RASAL1: variants seen among roughly 807,000 people sequenced by gnomAD.
RASAL1 encodes RAS protein activator like 1, also known as rasGAP-activating-like protein 1.
Under a neutral mutation model 96.6 loss-of-function variants are expected in RASAL1, and 72 were observed. The observed-to-expected ratio is 0.75, with a 90% CI of 0.62 to 0.91. The LOEUF is 0.91. Ranked by LOEUF, RASAL1 falls within the 40% of genes least tolerant of loss-of-function variation. The pLI is 0.00. For missense variants in RASAL1, 1,016 were observed against 1,072.5 expected (o/e 0.95, Z 0.74); for synonymous variants, 405 against 430.4 (o/e 0.94, Z 0.73).
chr12:113,101,896 G>A lies in RASAL1; in HGVS notation c.2218C>T (p.Gln740Ter). ...VYRQLLLGRD[Q>*]LRLKLLEDSN... ...ATGGGTGGGGGCACCCACCTGAGCT[G>A]GTCCCGCCCCAGGAGCAGCTGCCGA... The change falls in exon 19 of 21, where the codon CAG becomes TAG. Residue 740 changes from glutamine to a stop codon, truncating the protein, a stop_gained. Coordinates refer to ENST00000548055, the MANE Select transcript of RASAL1 (RefSeq NM_001301202.2). LOFTEE classifies it high-confidence loss of function. 1 of 1,613,468 alleles carries A rather than the reference G, an allele frequency of 6.2e-7. No individual in the cohort carries two copies. Among genetic ancestry groups the A allele is most frequent in the Non-Finnish European group, 8.5e-7 (1 of 1,179,688 alleles).
intron 13 of RASAL1, among the ~76,000 whole-genome samples, 187 bp downstream of exon 13, chr12:113,111,899 C>T (rs1174462234): frequency 6.6e-6 from 1 of 152,182 alleles, no homozygotes; most frequent in Non-Finnish European, 1.5e-5. Flanking sequence ...TGCGCCCGGC[C>T]TATTTTTATT....
At chr12:113,127,698 G>A (rs1472954405) in intron 4 of RASAL1, 114 bp downstream of exon 4, 3 of 862,838 alleles carry the variant, frequency 3.5e-6, no homozygotes, top group Non-Finnish European at 5.4e-6. Context: ...AAAGCAACAA[G>A]AGAAATAAGT....
At position 113,135,290 on chromosome 12, in the gene RASAL1, G is replaced by A; in HGVS notation, c.65+108C>T. The A allele has an allele frequency of 1.9e-6, 2 of 1,040,992 alleles. No individual in the cohort carries two copies. Among genetic ancestry groups the A allele is most frequent in the South Asian group, 3.0e-5 (2 of 66,904 alleles). The allele number at this position is 1,040,992 out of a possible 1,614,324, so 64.5% of individuals were successfully genotyped here. On this transcript the variant is annotated intron_variant, in intron 1 of 20. Transcript: ENST00000548055. This position sits in a 1 kb window ranked among gnomAD's most constrained non-coding sequence, Gnocchi z 5.7. ...CTGCCCCAAGACCAGTCTTGGACAA[G>A]AACCCCTCGCCCTCCTGCCAACCCG...
rs1950382359 is a variant in RASAL1 at position 113,099,969 on chromosome 12, T to G, written c.2378A>C (p.Gln793Pro). The G allele has an allele frequency of 6.2e-7, 1 of 1,613,550 alleles. No individual in the cohort carries two copies. Among genetic ancestry groups the G allele is most frequent in the African/African-American group, 1.3e-5 (1 of 74,932 alleles). ...LDRAHEEFQQ[Q>P]ERGKAALGPL... ...GCCCAGGGCCGCCTTCCCTCGCTCCTGCTGCTGGAACTCCTCGTGGGCACG... is the reference window on the plus strand; with the variant it reads ...GCCCAGGGCCGCCTTCCCTCGCTCCGGCTGCTGGAACTCCTCGTGGGCACG... The change falls in exon 21 of 21, where the codon CAG becomes CCG. Residue 793 changes from glutamine (Q) to proline (P), a missense_variant. Transcript: ENST00000548055.
At position 113,119,162 on chromosome 12, in the gene RASAL1, C is replaced by T; in HGVS notation, c.608G>A (p.Trp203Ter). ...GAAGTCATTCTTGCCCACCATGTCCCAGTCCCAGAGCTCCACCCGCAGTGG... is the reference window on the plus strand; with the variant it reads ...GAAGTCATTCTTGCCCACCATGTCCTAGTCCCAGAGCTCCACCCGCAGTGG... ...PSPLRVELWD[W>*]DMVGKNDFLG... Residue 203 changes from tryptophan (W) to a stop codon, truncating the protein, a stop_gained, in exon 7 of 21, where the codon TGG becomes TAG. Transcript: ENST00000548055. LOFTEE classifies it high-confidence loss of function. 2 of 1,613,534 alleles carry T rather than the reference C, an allele frequency of 1.2e-6. No homozygotes were observed. The highest frequency in any genetic ancestry group is 1.7e-6 in the Non-Finnish European group (2 of 1,179,632).
At chr12:113,106,952 C>T in intron 15 of RASAL1, 145 bp downstream of exon 15, 1 of 942,452 alleles carries the variant, frequency 1.1e-6, no homozygotes, top group Non-Finnish European at 1.6e-6. Context: ...TGGGGCCTAG[C>T]ACAGTAAGTA....
At position 113,119,043 on chromosome 12, in the gene RASAL1, GC is replaced by G. The variant is rs969812292; in HGVS notation, c.642+84del. 67 of 1,468,558 alleles carry G rather than the reference GC, an allele frequency of 4.6e-5. No individual in the cohort carries two copies. The African/African-American group carries it at 8.6e-4, about 19-fold the overall frequency. The allele number at this position is 1,468,558 out of a possible 1,614,324, so 91.0% of individuals were successfully genotyped here. The stretch of plus-strand genomic sequence containing the variant: ...CAGCTGTACATCCACCCTTCTGAGA[GC>G]CAGGAGGCTCAGCCCGTCTCATCTT... On this transcript the variant is annotated intron_variant, in intron 7 of 20. Transcript: ENST00000548055.
chr12:113,107,527 G>A, intron 14 of RASAL1: 1 of 550,106 alleles, frequency 1.8e-6, no homozygotes, highest in Non-Finnish European at 3.5e-6. Context: ...AGAAGCTGAG[G>A]TGGGAAGATC....
chr12:113,134,147 TG>T (rs951936625), intron 1 of RASAL1, among the ~76,000 whole-genome samples: 1 of 152,060 alleles, frequency 6.6e-6, no homozygotes, highest in African/African-American at 2.4e-5. Context: ...AAGAGTCTGG[TG>T]GGGGGGCTTG....
chr12:113,123,315 G>C (rs1281830635), intron 4 of RASAL1, among the ~76,000 whole-genome samples: 1 of 152,116 alleles, frequency 6.6e-6, no homozygotes, highest in Non-Finnish European at 1.5e-5. Flanking sequence ...GCTGATCTTT[G>C]ATTGTGAAGT....
chr12:113,130,964 G>GA lies in RASAL1; in HGVS notation c.66-24dup. The GA allele has an allele frequency of 1.2e-6, 2 of 1,607,020 alleles. No homozygotes were observed. Among genetic ancestry groups the GA allele is most frequent in the Non-Finnish European group, 1.7e-6 (2 of 1,174,820 alleles). On this transcript the variant is annotated intron_variant, in intron 1 of 20. Coordinates refer to ENST00000548055, the MANE Select transcript of RASAL1 (RefSeq NM_001301202.2). The surrounding 1 kb of genome is among the most constrained non-coding windows in gnomAD (Gnocchi z 5.1). ...GACCTGCAGAAGGAGGGAGTTCAGGGAGGAAGCAGGTTGAGAGGGCAGCCA... is the reference window on the plus strand; with the variant it reads ...GACCTGCAGAAGGAGGGAGTTCAGGGAAGGAAGCAGGTTGAGAGGGCAGCCA...
At chr12:113,127,934 AAGT>A in intron 3 of RASAL1, 61 bp from the exon 4 acceptor site, 1 of 1,580,400 alleles carries the variant, frequency 6.3e-7, no homozygotes, top group Admixed American at 1.7e-5. Flanking sequence ...GCCCCAAGAG[AAGT>A]GGGGGCAGGT....
chr12:113,119,484 C>A, intron 5 of RASAL1, 41 bp from the exon 6 acceptor site: 1 of 1,553,374 alleles, frequency 6.4e-7, no homozygotes, highest in South Asian at 1.2e-5. Context: ...ACACGGCACC[C>A]AAGTTGGGCC....
chr12:113,114,482 A>G (rs887405808), intron 12 of RASAL1, among the ~76,000 whole-genome samples: 4 of 151,960 alleles, frequency 2.6e-5, no homozygotes, highest in African/African-American at 9.7e-5. Context: ...TCAAAAAAAA[A>G]AAAAAAAGAA....
At chr12:113,102,065 C>A in intron 18 of RASAL1, 56 bp from the exon 19 acceptor site, 1 of 1,577,300 alleles carries the variant, frequency 6.3e-7, no homozygotes, top group South Asian at 1.2e-5. Flanking sequence ...CAGAAGCCTC[C>A]ACAGCCAGGC....
chr12:113,116,095 C>G, intron 8 of RASAL1, 44 bp from the exon 9 acceptor site: 1 of 1,475,950 alleles, frequency 6.8e-7, no homozygotes, highest in Non-Finnish European at 9.1e-7. Context: ...TCTGGCCGAA[C>G]ACGATGGCTC....
chr12:113,099,952 C>T lies in RASAL1; in HGVS notation c.2395G>A (p.Ala799Thr). The T allele has an allele frequency of 6.2e-7, 1 of 1,612,432 alleles. No homozygotes were observed. Among genetic ancestry groups the T allele is most frequent in the Non-Finnish European group, 8.5e-7 (1 of 1,179,164 alleles). Residue 799 changes from alanine (A) to threonine (T), a missense_variant, in exon 21 of 21, where the codon GCC becomes ACC. Coordinates refer to ENST00000548055, the MANE Select transcript of RASAL1 (RefSeq NM_001301202.2). The part of the protein sequence containing the change: ...EFQQQERGKA[A>T]LGPLGP ...CCTTAGGGGCCAAGGGGGCCCAGGGCCGCCTTCCCTCGCTCCTGCTGCTGG... is the reference window on the plus strand; with the variant it reads ...CCTTAGGGGCCAAGGGGGCCCAGGGTCGCCTTCCCTCGCTCCTGCTGCTGG...
chr12:113,133,555 G>A lies in RASAL1; in HGVS notation c.65+1843C>T, dbSNP rs559831623. ...AGTAAAAACTCTAAAATTACCTGAA[G>A]AGGCCTCCTCCCGGGCCAGAATGGA... On this transcript the variant is annotated intron_variant, in intron 1 of 20. Coordinates refer to ENST00000548055, the MANE Select transcript of RASAL1 (RefSeq NM_001301202.2). Among the ~76,000 whole-genome samples, 13 of 152,292 alleles carry A rather than the reference G, an allele frequency of 8.5e-5. 1 individual carries two copies. Among genetic ancestry groups the A allele is most frequent in the African/African-American group, 2.9e-4 (12 of 41,552 alleles).
chr12:113,106,082 A>G (rs1021143694), intron 15 of RASAL1, among the ~76,000 whole-genome samples, 196 bp from the exon 16 acceptor site: 12 of 152,094 alleles, frequency 7.9e-5, no homozygotes, highest in Non-Finnish European at 1.8e-4. Context: ...GAGGAGGGGG[A>G]GGGCAGAGTA....
Sources: allele counts gnomAD v4.1 joint callset (sites outside exome capture counted in the v4.1 genomes callset), GRCh38; gene constraint gnomAD v4.1.1; non-coding constraint Gnocchi (gnomAD v3.1); transcripts MANE v1.5; gene names NCBI Gene and HGNC (gene_info 2026-07-23, HGNC 2026-07-21).